Variants in ZNF423 observed in about 807,000 individuals in gnomAD.
ZNF423 encodes the protein Ebf-associated zinc finger protein.
In ZNF423, 12 loss-of-function variants were observed where a neutral mutation model predicts 95.8. The ratio of observed to expected loss-of-function variants is 0.13; its 90% CI spans 0.08 to 0.20. The LOEUF (loss-of-function observed/expected upper bound fraction) is 0.20. Among genes scored for constraint, ZNF423 ranks in the 10% least tolerant of loss-of-function variants. ZNF423 has a pLI of 1.00. For synonymous variants in ZNF423, 749 were observed against 711.9 expected, an observed-to-expected ratio of 1.05 and a Z score of -0.83; for missense variants, 1,316 against 1,737.1, an observed-to-expected ratio of 0.76 and a Z score of 4.31.
intron 5 of ZNF423, among the ~76,000 whole-genome samples, chr16:49,529,973 G>A (rs570023639): frequency 1.3e-5 from 2 of 152,210 alleles, no homozygotes; most frequent in Admixed American, 1.3e-4. Context: ...GAAGACCAAT[G>A]ACTTCCGCCT....
At chr16:49,509,818 C>T (rs536499082) in intron 7 of ZNF423, among the ~76,000 whole-genome samples, 68 of 152,332 alleles carry the variant, frequency 4.5e-4, no homozygotes, top group African/African-American at 1.3e-3. Context: ...GTTGTATGTT[C>T]AGGCTGCCTG....
At chr16:49,503,199 A>G (rs7196550) in intron 7 of ZNF423, among the ~76,000 whole-genome samples, 22,545 of 152,026 alleles carry the variant, frequency 0.15, 2,024 homozygotes, top group African/African-American at 0.25. Flanking sequence ...CCCACTGCTG[A>G]GTCCCTCCAG....
intron 5 of ZNF423, among the ~76,000 whole-genome samples, chr16:49,604,166 G>A (rs1035845659): frequency 1.3e-5 from 2 of 152,196 alleles, no homozygotes; most frequent in African/African-American, 4.8e-5. Context: ...CCCCGCTGGC[G>A]GGCACCCGGG....
intron 3 of ZNF423, among the ~76,000 whole-genome samples, chr16:49,707,521 G>A (rs1253774061): frequency 6.6e-6 from 1 of 151,508 alleles, no homozygotes. Flanking sequence ...GGAGGCTGAG[G>A]CAGGAGAATC....
rs1459340966 is a variant in ZNF423 at position 49,602,043 on chromosome 16, TC to T, written c.3601+24126del. On this transcript the variant is annotated intron_variant, in intron 5 of 7. Coordinates refer to ENST00000563137, the MANE Select transcript of ZNF423 (RefSeq NM_001379286.1). ...ACTGGGTCTTGCATACAGTTGGTGC[TC>T]AATTATTGTTTGGGTGTCATTACAT... is the stretch of plus-strand genomic sequence containing the variant. Among the ~76,000 whole-genome samples, 5 of 152,224 alleles carry T rather than the reference TC, an allele frequency of 3.3e-5. 1 individual carries two copies.
At chr16:49,749,076 C>T (rs185221208) in intron 2 of ZNF423, among the ~76,000 whole-genome samples, 3 of 152,132 alleles carry the variant, frequency 2.0e-5, no homozygotes, top group Non-Finnish European at 2.9e-5. Flanking sequence ...AGGAAGGTGG[C>T]GAAACAGCAT....
chr16:49,781,217 A>G (rs2034206334), intron 2 of ZNF423, among the ~76,000 whole-genome samples: 1 of 152,172 alleles, frequency 6.6e-6, no homozygotes, highest in Non-Finnish European at 1.5e-5. Flanking sequence ...GAAAATCTCC[A>G]AAGGAGAAAA....
intron 2 of ZNF423, among the ~76,000 whole-genome samples, chr16:49,752,655 A>G (rs968071695): frequency 1.3e-5 from 2 of 152,104 alleles, no homozygotes; most frequent in African/African-American, 4.8e-5. Flanking sequence ...AACCTGCACA[A>G]ATTCATCGGG....
chr16:49,668,781 G>A (rs1176225125), intron 3 of ZNF423, among the ~76,000 whole-genome samples: 2 of 152,204 alleles, frequency 1.3e-5, no homozygotes, highest in African/African-American at 4.8e-5. Flanking sequence ...GGAAGGAGGG[G>A]TGGGCAGGGA....
rs1398941166 is a variant in ZNF423, at chr16:49,626,246, T to C, written c.3525A>G (p.Thr1175=). Residue 1175 remains threonine (T), a synonymous_variant, in exon 5 of 8, where the codon ACA becomes ACG. Transcript: ENST00000563137. The part of the protein sequence containing the change: ...TQTSPVPRKK[T]YQCIKCQMTF... ...TCATCTGGCACTTGATGCACTGGTATGTCTTTTTCTGTTTGGAAACCAAAA... is the reference window on the plus strand; with the variant it reads ...TCATCTGGCACTTGATGCACTGGTACGTCTTTTTCTGTTTGGAAACCAAAA... 1.2e-6 allele frequency: 2 copies of C among 1,613,928 alleles called. No individual in the cohort carries two copies. The highest frequency in any genetic ancestry group is 8.5e-7 in the Non-Finnish European group (1 of 1,179,848).
intron 3 of ZNF423, among the ~76,000 whole-genome samples, chr16:49,687,134 T>A (rs1207141582): frequency 6.6e-6 from 1 of 152,014 alleles, no homozygotes; most frequent in East Asian, 1.9e-4. Context: ...CCCCGTGGTT[T>A]GTCCCCTATA....
rs1286848744 is a variant in ZNF423, at chr16:49,637,757, C to T, written c.1419G>A (p.Lys473=). 1.2e-6 allele frequency: 2 copies of T among 1,614,110 alleles called. No homozygotes were observed. ...NLNEHVRKLH[K]NHAYPVMQFG... is the part of the protein sequence containing the mutation. The stretch of plus-strand genomic sequence containing the variant: ...ACTGCATCACAGGGTAGGCATGGTT[C>T]TTGTGCAGCTTGCGAACGTGCTCGT... The change falls in exon 4 of 8, where the codon AAG becomes AAA. Residue 473 remains lysine (K), a synonymous_variant. Transcript: ENST00000563137. This position sits in a 1 kb window ranked among gnomAD's most constrained non-coding sequence, Gnocchi z 5.6.
At chr16:49,661,661 A>G (rs982951942) in intron 3 of ZNF423, among the ~76,000 whole-genome samples, 3 of 152,206 alleles carry the variant, frequency 2.0e-5, no homozygotes, top group Non-Finnish European at 4.4e-5. Flanking sequence ...CAGCGACTGC[A>G]CTGTTGAAAT....
At chr16:49,646,185 G>A (rs1344479096) in intron 3 of ZNF423, among the ~76,000 whole-genome samples, 1 of 152,176 alleles carries the variant, frequency 6.6e-6, no homozygotes, top group East Asian at 1.9e-4. Flanking sequence ...CCTAGAGCCT[G>A]GGGTAATAAG....
At chr16:49,541,336 T>C (rs906145905) in intron 5 of ZNF423, among the ~76,000 whole-genome samples, 9 of 152,216 alleles carry the variant, frequency 5.9e-5, no homozygotes, top group African/African-American at 1.7e-4. Context: ...AAAGGCAGAC[T>C]AACAATCACT....
chr16:49,703,250 C>A (rs892037845), intron 3 of ZNF423, among the ~76,000 whole-genome samples: 1 of 152,168 alleles, frequency 6.6e-6, no homozygotes. Context: ...AACATTTATT[C>A]TTTTTGAACT....
chr16:49,757,345 C>T (rs547313823), intron 2 of ZNF423, among the ~76,000 whole-genome samples: 2 of 152,266 alleles, frequency 1.3e-5, no homozygotes, highest in South Asian at 2.1e-4. Flanking sequence ...ACAAAGGGAG[C>T]CTTCAGTAAT....
intron 5 of ZNF423, among the ~76,000 whole-genome samples, chr16:49,536,925 A>C (rs2151730658): frequency 6.6e-6 from 1 of 152,338 alleles, no homozygotes; most frequent in Non-Finnish European, 1.5e-5. Context: ...TAATCCCAGA[A>C]CCTACAACAG....
At chr16:49,726,894 C>T (rs1418495256) in intron 3 of ZNF423, among the ~76,000 whole-genome samples, 1 of 143,086 alleles carries the variant, frequency 7.0e-6, no homozygotes, top group African/African-American at 2.6e-5. Flanking sequence ...TGGCGAAGAC[C>T]AGGTAACCAC....
Sources: allele counts gnomAD v4.1 joint callset (sites outside exome capture counted in the v4.1 genomes callset), GRCh38; gene constraint gnomAD v4.1.1; non-coding constraint Gnocchi (gnomAD v3.1); transcripts MANE v1.5; gene names NCBI Gene and HGNC (gene_info 2026-07-23, HGNC 2026-07-21).